STK32C: variants seen among roughly 807,000 people sequenced by gnomAD.
STK32C encodes serine/threonine-protein kinase 32C.
STK32C carries 31 observed loss-of-function variants against 56.5 expected under a neutral mutation model. The ratio of observed to expected loss-of-function variants is 0.55; its 90% CI spans 0.41 to 0.74. The LOEUF (loss-of-function observed/expected upper bound fraction) is 0.74. Ranked by LOEUF, STK32C falls within the 30% of genes least tolerant of loss-of-function variation. The pLI is 0.00. For synonymous variants in STK32C, 309 were observed against 289.4 expected (o/e 1.07, Z -0.69); for missense variants, 544 against 676.9 (o/e 0.80, Z 2.18).
At chr10:132,331,719 C>A in exon 1 of STK32C, 8 of 1,612,668 alleles carry the variant, frequency 5.0e-6, no homozygotes, top group South Asian at 1.1e-5. Context: ...CTCCGGCTCC[C>A]CAGACGGCAC....
intron 1 of STK32C, among the ~76,000 whole-genome samples, chr10:132,283,862 T>C (rs11146309): frequency 0.21 from 32,591 of 152,148 alleles, 4,282 homozygotes; most frequent in Non-Finnish European, 0.31. Flanking sequence ...CACCCCAGAC[T>C]GCCCAGGAGG....
Position 132,222,996 on chromosome 10 carries a change from G to C in STK32C, c.994-10C>G, listed in dbSNP as rs1173608147. ...GGTTCACAGTGAGGAGCTGCAACCA[G>C]GCATGAGTCAGAGGGTCCAGGGCCC... On this transcript the variant is annotated splice_polypyrimidine_tract_variant and intron_variant, in intron 8 of 11. Transcript: ENST00000298630. 3 of 1,547,482 alleles carry C rather than the reference G, an allele frequency of 1.9e-6. No individual in the cohort carries two copies. Among genetic ancestry groups the C allele is most frequent in the African/African-American group, 2.7e-5 (2 of 73,302 alleles).
rs201490784 is a variant in STK32C, at chr10:132,261,169, AG to A, written c.263-15215del. ...CGGAGGACTCGGGGACTACGAGCTTAGGCCTTGGAGATGATCACTGCTTCCC... is the reference window on the plus strand; with the variant it reads ...CGGAGGACTCGGGGACTACGAGCTTAGCCTTGGAGATGATCACTGCTTCCC... On this transcript the variant is annotated intron_variant, in intron 1 of 11. Transcript: ENST00000298630. Among the ~76,000 whole-genome samples, 1,128 of 151,702 alleles carry A rather than the reference AG, an allele frequency of 7.4e-3. 3 individuals carry two copies. Among genetic ancestry groups the A allele is most frequent in the African/African-American group, 0.025 (1,009 of 41,014 alleles).
chr10:132,330,471 T>C, intron 1 of STK32C: 1 of 717,218 alleles, frequency 1.4e-6, no homozygotes, highest in South Asian at 1.5e-5. Context: ...AGGTACTGGT[T>C]GTGCTTTCAG....
intron 1 of STK32C, among the ~76,000 whole-genome samples, chr10:132,276,037 C>T (rs1037989756): frequency 6.6e-6 from 1 of 152,186 alleles, no homozygotes; most frequent in South Asian, 2.1e-4. Flanking sequence ...GCCACACCAC[C>T]AGGCTGCCAC....
upstream of STK32C, among the ~76,000 whole-genome samples, chr10:132,311,459 G>A (rs144592471): frequency 4.3e-3 from 661 of 152,378 alleles, 3 homozygotes; most frequent in African/African-American, 0.015. This position sits in a 1 kb window ranked among gnomAD's most constrained non-coding sequence, Gnocchi z 4.4. Context: ...TGGGACTGAG[G>A]ATTCTTGGAA....
At position 132,255,626 on chromosome 10, in the gene STK32C, C is replaced by T. The variant is rs1481319286; in HGVS notation, c.263-9671G>A. Among the ~76,000 whole-genome samples, 2 of 152,144 alleles carry T rather than the reference C, an allele frequency of 1.3e-5. No individual in the cohort carries two copies. Among genetic ancestry groups the T allele is most frequent in the East Asian group, 1.9e-4 (1 of 5,190 alleles). On this transcript the variant is annotated intron_variant, in intron 1 of 11. Coordinates refer to ENST00000298630, the MANE Select transcript of STK32C (RefSeq NM_173575.4). This position sits in a 1 kb window ranked among gnomAD's most constrained non-coding sequence, Gnocchi z 4.6. The stretch of plus-strand genomic sequence containing the variant: ...CCCAGGAGAGGAGCAGGGGGCCCTG[C>T]AGGAAGCAGGTCCCTCAACCCTTGC...
chr10:132,248,867 A>C (rs1041714700), intron 1 of STK32C, among the ~76,000 whole-genome samples: 4 of 152,268 alleles, frequency 2.6e-5, no homozygotes, highest in Non-Finnish European at 5.9e-5. Flanking sequence ...GCTGTGAACC[A>C]GCAAGGGAGT....
intron 2 of STK32C, among the ~76,000 whole-genome samples, chr10:132,245,586 G>A (rs1026034675): frequency 2.4e-4 from 37 of 152,364 alleles, no homozygotes; most frequent in African/African-American, 8.7e-4. Context: ...TCCCCTGTAG[G>A]TCCTGAGGAG....
At chr10:132,272,992 G>A (rs1005122072) in intron 1 of STK32C, among the ~76,000 whole-genome samples, 7 of 152,114 alleles carry the variant, frequency 4.6e-5, no homozygotes, top group Admixed American at 2.0e-4. Context: ...CCCCAGAGCC[G>A]CACGCTTTGC....
At chr10:132,232,512 C>G (rs1446779878) in intron 2 of STK32C, among the ~76,000 whole-genome samples, 1 of 152,124 alleles carries the variant, frequency 6.6e-6, no homozygotes, top group Admixed American at 6.5e-5. Flanking sequence ...AAACCGGCGG[C>G]CTTTTATGAC....
At chr10:132,329,231 A>G (rs942303586) in intron 1 of STK32C, among the ~76,000 whole-genome samples, 8 of 152,218 alleles carry the variant, frequency 5.3e-5, no homozygotes, top group Middle Eastern at 3.2e-3. Context: ...CCTGGGCAAC[A>G]TGGTAAAACC....
intron 1 of STK32C, among the ~76,000 whole-genome samples, chr10:132,304,867 A>G (rs1046761417): frequency 6.6e-6 from 1 of 152,224 alleles, no homozygotes; most frequent in Non-Finnish European, 1.5e-5. Context: ...ATGAAGGCAA[A>G]GCCCCTCAGG....
intron 1 of STK32C, among the ~76,000 whole-genome samples, chr10:132,276,027 G>A (rs866040464): frequency 1.3e-5 from 2 of 152,144 alleles, no homozygotes; most frequent in East Asian, 1.9e-4. Flanking sequence ...CCCCCAAGCC[G>A]CCACACCACC....
chr10:132,326,655 T>C (rs1290207131), intron 1 of STK32C, among the ~76,000 whole-genome samples: 4 of 152,140 alleles, frequency 2.6e-5, no homozygotes, highest in Non-Finnish European at 5.9e-5. Flanking sequence ...TGCTGGTGAG[T>C]CTGTCTAACC....
In STK32C at chr10:132,226,136, T is replaced by A. The variant is rs147087208; in HGVS notation, c.645-352A>T. Among the ~76,000 whole-genome samples, 1,101 of 152,380 alleles carry A rather than the reference T, an allele frequency of 7.2e-3. 12 individuals are homozygous for A. The highest frequency in any genetic ancestry group is 0.024 in the African/African-American group (999 of 41,582). On this transcript the variant is annotated intron_variant, in intron 4 of 11. Coordinates refer to ENST00000298630, the MANE Select transcript of STK32C (RefSeq NM_173575.4). ...GAGACCAAGCCACCTCGGCTCTTGC[T>A]TTGTCCCAACTTTTCCAGGTACACA...
chr10:132,227,186 G>C (rs2062919882), intron 3 of STK32C, among the ~76,000 whole-genome samples: 1 of 152,248 alleles, frequency 6.6e-6, no homozygotes, highest in Admixed American at 6.5e-5. Flanking sequence ...CCCTGTGCTG[G>C]AGGTGGCCCA....
Position 132,224,468 on chromosome 10 carries a change from C to T in STK32C, c.932G>A (p.Ser311Asn). 1 of 1,577,468 alleles carries T rather than the reference C, an allele frequency of 6.3e-7. No homozygotes were observed. The stretch of plus-strand genomic sequence containing the variant: ...GGGGACATACTGGACGCTCACGGTG[C>T]TGAACAGCTGCACCAGGGACTCCAC... The part of the protein sequence containing the change: ...NAVESLVQLF[S>N]TVSVQYVPTW... Residue 311 changes from serine (S) to asparagine (N), a missense_variant, in exon 8 of 12, where the codon AGC (serine) becomes AAC (asparagine). By Grantham distance (46) the Ser-to-Asn change is conservative. This residue lies in a region of STK32C where 277 missense variants were observed against 309.3 expected (regional missense o/e 0.90). Coordinates refer to ENST00000298630, the MANE Select transcript of STK32C (RefSeq NM_173575.4).
chr10:132,214,728 G>A (rs1288466170), intron 10 of STK32C, among the ~76,000 whole-genome samples: 5 of 152,240 alleles, frequency 3.3e-5, no homozygotes, highest in African/African-American at 1.2e-4. Context: ...AATGTCATCA[G>A]GAACAGGAGG....
Sources: gnomAD v4.1 joint callset for allele counts (sites outside exome capture counted in the v4.1 genomes callset) on GRCh38, gnomAD v4.1.1 for gene constraint, gnomAD v4.1.1 regional missense constraint, Gnocchi (gnomAD v3.1) non-coding constraint, MANE v1.5 for transcripts, NCBI Gene and HGNC (gene_info 2026-07-23, HGNC 2026-07-21) for gene names.